The following STIM1 variants were observed in gnomAD, a reference collection of about 807,000 sequenced individuals.
The protein encoded by STIM1 is stromal interaction molecule 1.
Under a neutral mutation model 74.7 loss-of-function variants are expected in STIM1, and 25 were observed. That is an observed-to-expected ratio of 0.33 (90% CI 0.24 to 0.47). The LOEUF is 0.47. STIM1 is among the 20% of genes least tolerant of loss of function. The pLI is 1.00. For missense variants in STIM1, 728 were observed against 920.8 expected, an observed-to-expected ratio of 0.79 and a Z score of 2.71; for synonymous variants, 328 against 348.8, an observed-to-expected ratio of 0.94 and a Z score of 0.66.
At chr11:4,080,563 C>T (rs894352774) in intron 7 of STIM1, among the ~76,000 whole-genome samples, 2 of 149,754 alleles carry the variant, frequency 1.3e-5, no homozygotes, top group East Asian at 2.0e-4. Flanking sequence ...ACCTCCTGGA[C>T]TCAAGCGATC....
At position 4,091,782 on chromosome 11, in the gene STIM1, A is replaced by G; in HGVS notation, c.2135A>G (p.Lys712Arg). 3 of 1,605,886 alleles carry G rather than the reference A, an allele frequency of 1.9e-6. No homozygotes were observed. Among genetic ancestry groups the G allele is most frequent in the Non-Finnish European group, 2.5e-6 (3 of 1,179,992 alleles). Residue 712 changes from lysine to arginine, a missense_variant, in exon 13 of 13, where the codon AAG (lysine) becomes AGG (arginine). This residue lies in a region of STIM1 where 352 missense variants were observed against 370.1 expected (regional missense o/e 0.95). Transcript: ENST00000526596. ...RKKFPLKIFK[K>R]PLKK ...AAGTTTCCCCTCAAAATCTTTAAGA[A>G]GCCTCTTAAGAAGTAGGCAGGATGG...
intron 3 of STIM1, among the ~76,000 whole-genome samples, chr11:4,038,219 G>A (rs1308586554): frequency 6.6e-6 from 1 of 151,958 alleles, no homozygotes; most frequent in Non-Finnish European, 1.5e-5. Context: ...ATTTTTAATA[G>A]AGATGGGGTT....
intron 3 of STIM1, among the ~76,000 whole-genome samples, chr11:4,044,957 A>G (rs1488645976): frequency 1.3e-5 from 2 of 152,156 alleles, no homozygotes; most frequent in Non-Finnish European, 2.9e-5. Context: ...CCTGCAATGC[A>G]CAGGACAGCC....
chr11:4,024,017 T>C (rs765688520), intron 3 of STIM1, 30 bp downstream of exon 3: 8 of 1,589,700 alleles, frequency 5.0e-6, no homozygotes, highest in Non-Finnish European at 6.9e-6. Flanking sequence ...TCAATCCTAG[T>C]TGTGGGAAGG....
chr11:3,938,470 C>T (rs1207382429), intron 1 of STIM1, among the ~76,000 whole-genome samples: 1 of 152,130 alleles, frequency 6.6e-6, no homozygotes, highest in Non-Finnish European at 1.5e-5. Flanking sequence ...AAACAGGGCT[C>T]CTCAAGAGTG....
At chr11:4,052,758 A>G (rs1424782886) in intron 3 of STIM1, among the ~76,000 whole-genome samples, 1 of 152,240 alleles carries the variant, frequency 6.6e-6, no homozygotes, top group Non-Finnish European at 1.5e-5. Context: ...TAAACTAAAG[A>G]GCTTCTGCTC....
At chr11:4,019,605 C>A (rs982526757) in intron 2 of STIM1, among the ~76,000 whole-genome samples, 13 of 151,940 alleles carry the variant, frequency 8.6e-5, no homozygotes, top group African/African-American at 3.1e-4. Context: ...GCCTGGGTGA[C>A]AGAGCGAGAC....
intron 7 of STIM1, 127 bp downstream of exon 7, chr11:4,074,806 C>G (rs187236698): frequency 9.4e-7 from 1 of 1,069,060 alleles, no homozygotes; most frequent in South Asian, 1.5e-5. Context: ...TCTAGAGTCA[C>G]TGGACTCTTA....
rs1241335180 is a variant in STIM1, at chr11:3,895,706, C to CT, written c.139+39300dup. On this transcript the variant is annotated intron_variant, in intron 1 of 12. Transcript: ENST00000526596. ...TCCTTCTTTCTTTCTTTCTTTCTTTCTTTCTTTCTTTCTTTCTTTCTTTCT... is the reference window on the plus strand; with the variant it reads ...TCCTTCTTTCTTTCTTTCTTTCTTTCTTTTCTTTCTTTCTTTCTTTCTTTCT... Among the ~76,000 whole-genome samples, 170 of 33,216 alleles carry CT rather than the reference C, an allele frequency of 5.1e-3. 3 individuals are homozygous for CT. Among genetic ancestry groups the CT allele is most frequent in the African/African-American group, 0.01 (48 of 4,734 alleles). 21.8% of individuals were successfully genotyped at this position (33,216 alleles called of 152,430 possible).
chr11:3,935,316 G>A (rs1309707357), intron 1 of STIM1, among the ~76,000 whole-genome samples: 1 of 152,218 alleles, frequency 6.6e-6, no homozygotes, highest in Non-Finnish European at 1.5e-5. Context: ...GGTGACTAGT[G>A]TCAGGTGAGG....
intron 1 of STIM1, among the ~76,000 whole-genome samples, chr11:3,964,468 C>T (rs1207545290): frequency 1.3e-5 from 2 of 152,172 alleles, no homozygotes; most frequent in African/African-American, 4.8e-5. Context: ...ATGCTAGCAG[C>T]AAAGGTCACC....
chr11:4,087,507 A>C (rs1273593236), intron 12 of STIM1, among the ~76,000 whole-genome samples: 8 of 152,180 alleles, frequency 5.3e-5, no homozygotes, highest in Non-Finnish European at 2.9e-5. Context: ...AACACTGGAT[A>C]TGTGTTGGTG....
In STIM1 at chr11:4,081,118, G is replaced by A. The variant is rs1051994786; in HGVS notation, c.970-1066G>A. The stretch of plus-strand genomic sequence containing the variant: ...TCCTGGCCTATCTTAGCTGTGGAGA[G>A]GACCTCAGGCTTGCTATGGGATGTT... On this transcript the variant is annotated intron_variant, in intron 7 of 12. Coordinates refer to ENST00000526596, the MANE Select transcript of STIM1 (RefSeq NM_001382567.1). Among the ~76,000 whole-genome samples, 5 of 152,292 alleles carry A rather than the reference G, an allele frequency of 3.3e-5. No homozygotes were observed. The South Asian group carries it at 1.0e-3, about 32-fold the overall frequency.
At chr11:3,993,718 T>G (rs988899833) in intron 2 of STIM1, among the ~76,000 whole-genome samples, 1 of 152,132 alleles carries the variant, frequency 6.6e-6, no homozygotes, top group Non-Finnish European at 1.5e-5. Flanking sequence ...ATACTTCATG[T>G]TATCAAAGAG....
chr11:4,068,707 C>T (rs369862778), intron 5 of STIM1, among the ~76,000 whole-genome samples: 9 of 152,294 alleles, frequency 5.9e-5, no homozygotes, highest in African/African-American at 2.2e-4. Context: ...TAGTGACCCC[C>T]CTCCCTTGGG....
At chr11:4,068,624 C>T (rs1483395683) in intron 5 of STIM1, among the ~76,000 whole-genome samples, 4 of 152,024 alleles carry the variant, frequency 2.6e-5, no homozygotes, top group Admixed American at 6.5e-5. Flanking sequence ...AGGGGATGGC[C>T]GCTAGAGGAC....
chr11:3,986,219 C>T (rs1235540464), intron 2 of STIM1, among the ~76,000 whole-genome samples: 1 of 152,116 alleles, frequency 6.6e-6, no homozygotes, highest in Non-Finnish European at 1.5e-5. Flanking sequence ...CCTGCATGCT[C>T]TGGAAGTACA....
At chr11:4,065,537 TG>T (rs2094360090) in intron 5 of STIM1, among the ~76,000 whole-genome samples, 2 of 152,008 alleles carry the variant, frequency 1.3e-5, no homozygotes, top group South Asian at 4.1e-4. Context: ...AACTCCTTGA[TG>T]AAAGAATTTT....
intron 1 of STIM1, among the ~76,000 whole-genome samples, chr11:3,864,538 T>C (rs953823975): frequency 1.1e-4 from 16 of 152,188 alleles, no homozygotes; most frequent in African/African-American, 3.6e-4. Flanking sequence ...TGATGATTGG[T>C]TTCCCCTAGA....
Sources: gnomAD v4.1 joint callset for allele counts (sites outside exome capture counted in the v4.1 genomes callset) on GRCh38, gnomAD v4.1.1 for gene constraint, gnomAD v4.1.1 regional missense constraint, MANE v1.5 for transcripts, NCBI Gene and HGNC (gene_info 2026-07-23, HGNC 2026-07-21) for gene names.